The following NKAIN2 variants were observed in gnomAD, a reference collection of about 807,000 sequenced individuals.
NKAIN2 encodes sodium/potassium transporting ATPase interacting 2.
In NKAIN2, 14 loss-of-function variants were observed where a neutral mutation model predicts 32.6. The ratio of observed to expected loss-of-function variants is 0.43; its 90% confidence interval spans 0.28 to 0.67. The LOEUF (loss-of-function observed/expected upper bound fraction) is 0.67. Ranked by LOEUF, NKAIN2 falls within the 30% of genes least tolerant of loss-of-function variation. The pLI is 0.17. For synonymous variants in NKAIN2, 80 were observed against 87.2 expected (o/e 0.92, Z 0.46); for missense variants, 198 against 258.3 (o/e 0.77, Z 1.60).
At chr6:124,572,712 A>G (rs1781174203) in intron 3 of NKAIN2, among the ~76,000 whole-genome samples, 1 of 151,644 alleles carries the variant, frequency 6.6e-6, no homozygotes, top group African/African-American at 2.4e-5. Flanking sequence ...TCCCAGAAAC[A>G]TAAGTTTAGA....
intron 1 of NKAIN2, among the ~76,000 whole-genome samples, chr6:123,813,218 C>G (rs932446672): frequency 6.6e-6 from 1 of 152,128 alleles, no homozygotes; most frequent in African/African-American, 2.4e-5. Context: ...TGGTCTTGGC[C>G]TCTGGAGAAG....
intron 3 of NKAIN2, among the ~76,000 whole-genome samples, chr6:124,461,502 A>C (rs1404713192): frequency 2.0e-5 from 3 of 151,644 alleles, no homozygotes; most frequent in African/African-American, 7.3e-5. Flanking sequence ...ACTTTTAGAA[A>C]ATTTCTCTTT....
intron 3 of NKAIN2, among the ~76,000 whole-genome samples, chr6:124,615,553 C>A (rs1281817231): frequency 1.3e-5 from 2 of 152,116 alleles, no homozygotes; most frequent in East Asian, 3.8e-4. Flanking sequence ...TGTAGTAACT[C>A]ACATTTTGGA....
chr6:124,311,345 C>T (rs1482129266), intron 2 of NKAIN2, among the ~76,000 whole-genome samples: 1 of 152,002 alleles, frequency 6.6e-6, no homozygotes, highest in Non-Finnish European at 1.5e-5. Flanking sequence ...AGGAAAATGC[C>T]ACAAACTCTC....
At position 124,122,058 on chromosome 6, in the gene NKAIN2, G is replaced by T. The variant is rs150616531; in HGVS notation, c.55-160947G>T. On this transcript the variant is annotated intron_variant, in intron 1 of 6. Coordinates refer to ENST00000368417, the MANE Select transcript of NKAIN2 (RefSeq NM_001040214.3). ...ACTAAGATTGTTTCATTTTCATCCA[G>T]AAAAAAGTTTTATTTTATGTAAATA... The T allele has an allele frequency of 6.4e-5, 13 of 202,900 alleles. No homozygotes were observed. In the East Asian group the frequency reaches 1.6e-3, roughly 26 times the overall value. 12.6% of individuals were successfully genotyped at this position (202,900 alleles called of 1,614,324 possible).
chr6:124,672,893 A>C (rs867535688), intron 4 of NKAIN2, among the ~76,000 whole-genome samples: 1 of 152,070 alleles, frequency 6.6e-6, no homozygotes, highest in African/African-American at 2.4e-5. Flanking sequence ...TGTTGTAAAA[A>C]ACACATGACC....
chr6:124,146,657 G>A (rs894532243), intron 1 of NKAIN2, among the ~76,000 whole-genome samples: 5 of 152,086 alleles, frequency 3.3e-5, no homozygotes, highest in African/African-American at 1.2e-4. Context: ...TATTCACACT[G>A]TAGAATATTA....
At chr6:123,997,119 C>G (rs776003875) in intron 1 of NKAIN2, among the ~76,000 whole-genome samples, 4 of 152,098 alleles carry the variant, frequency 2.6e-5, no homozygotes, top group Admixed American at 6.6e-5. Context: ...GTCAGTAGAT[C>G]TAGTACAACG....
chr6:124,439,191 C>T (rs1775585901), intron 3 of NKAIN2, among the ~76,000 whole-genome samples: 1 of 152,130 alleles, frequency 6.6e-6, no homozygotes, highest in Non-Finnish European at 1.5e-5. Context: ...AGAAACCTAG[C>T]TTGGTTTTCA....
intron 3 of NKAIN2, among the ~76,000 whole-genome samples, chr6:124,590,271 G>A (rs138377511): frequency 2.6e-5 from 4 of 152,154 alleles, no homozygotes; most frequent in African/African-American, 9.7e-5. Context: ...TCTAGTGTCA[G>A]GTCTGTGTTG....
chr6:124,558,602 T>A (rs572407153), intron 3 of NKAIN2, among the ~76,000 whole-genome samples: 1 of 152,056 alleles, frequency 6.6e-6, no homozygotes, highest in Non-Finnish European at 1.5e-5. Flanking sequence ...CAAGATGCCC[T>A]AAGAGTTGGT....
chr6:123,969,846 A>G (rs1778257364), intron 1 of NKAIN2, among the ~76,000 whole-genome samples: 1 of 152,200 alleles, frequency 6.6e-6, no homozygotes, highest in Non-Finnish European at 1.5e-5. Flanking sequence ...GGGTTACCCA[A>G]CCAGCAGTGT....
chr6:123,952,547 A>T (rs1454014834), intron 1 of NKAIN2, among the ~76,000 whole-genome samples: 1 of 152,160 alleles, frequency 6.6e-6, no homozygotes, highest in Non-Finnish European at 1.5e-5. Flanking sequence ...ATGGTGTCAC[A>T]CATGTCACAT....
chr6:123,900,053 A>T (rs930713471), intron 1 of NKAIN2, among the ~76,000 whole-genome samples: 1 of 152,194 alleles, frequency 6.6e-6, no homozygotes, highest in Non-Finnish European at 1.5e-5. Flanking sequence ...TCACAGTGCT[A>T]GGTGTCATGT....
chr6:124,063,587 C>G (rs1200061813), intron 1 of NKAIN2, among the ~76,000 whole-genome samples: 1 of 152,076 alleles, frequency 6.6e-6, no homozygotes, highest in Non-Finnish European at 1.5e-5. Flanking sequence ...CAGTGGCAAG[C>G]ATGGTCATTT....
intron 1 of NKAIN2, among the ~76,000 whole-genome samples, chr6:124,182,840 A>G (rs1789513746): frequency 6.6e-6 from 1 of 152,140 alleles, no homozygotes; most frequent in South Asian, 2.1e-4. Flanking sequence ...TCAGACAGAT[A>G]TATATATAGG....
intron 1 of NKAIN2, among the ~76,000 whole-genome samples, chr6:123,875,165 G>A (rs7771285): frequency 0.67 from 102,358 of 151,764 alleles, 36,199 homozygotes; most frequent in African/African-American, 0.89. Context: ...TTCTTTTATA[G>A]TAAATAACAC....
chr6:123,930,468 C>A (rs574480728), intron 1 of NKAIN2, among the ~76,000 whole-genome samples: 1 of 152,110 alleles, frequency 6.6e-6, no homozygotes, highest in South Asian at 2.1e-4. Context: ...CCTGACTCTG[C>A]TCCTGTAATC....
At chr6:124,035,940 T>C (rs1781588371) in intron 1 of NKAIN2, among the ~76,000 whole-genome samples, 1 of 152,066 alleles carries the variant, frequency 6.6e-6, no homozygotes, top group South Asian at 2.1e-4. Flanking sequence ...GATAATAATA[T>C]TCAAGGGAAA....
Sources: allele counts gnomAD v4.1 joint callset (sites outside exome capture counted in the v4.1 genomes callset), GRCh38; gene constraint gnomAD v4.1.1; transcripts MANE v1.5; gene names NCBI Gene and HGNC (gene_info 2026-07-23, HGNC 2026-07-21).